Variants in NUBPL observed in about 807,000 individuals in gnomAD.
NUBPL encodes the protein iron-sulfur cluster transfer protein NUBPL.
NUBPL carries 31 observed loss-of-function variants against 45.7 expected under a neutral mutation model. The observed-to-expected ratio is 0.68, with a 90% CI of 0.51 to 0.92. The LOEUF is 0.92. Among genes scored for constraint, NUBPL ranks in the 40% least tolerant of loss-of-function variants. The pLI is 0.00. For missense variants in NUBPL, 401 were observed against 398.7 expected (o/e 1.01, Z -0.05); for synonymous variants, 144 against 140.9 (o/e 1.02, Z -0.15).
chr14:31,644,553 C>T (rs1238097148), intron 4 of NUBPL, among the ~76,000 whole-genome samples: 1 of 152,024 alleles, frequency 6.6e-6, no homozygotes, highest in Non-Finnish European at 1.5e-5. Context: ...TTTGTTGAGA[C>T]TTGTTTTGTG....
At chr14:31,823,641 A>G (rs2040052939) in intron 7 of NUBPL, among the ~76,000 whole-genome samples, 1 of 152,146 alleles carries the variant, frequency 6.6e-6, no homozygotes, top group African/African-American at 2.4e-5. Flanking sequence ...TAAATAGTGT[A>G]ATCATAGAGA....
At chr14:31,605,755 CCTCCTT>C (rs796803984) in intron 4 of NUBPL, among the ~76,000 whole-genome samples, 76 of 151,102 alleles carry the variant, frequency 5.0e-4, no homozygotes, top group African/African-American at 1.6e-3. Flanking sequence ...TTCCTTCCTT[CCTCCTT>C]CTCCTTCTCC....
At chr14:31,818,412 C>T (rs868329317) in intron 7 of NUBPL, among the ~76,000 whole-genome samples, 17 of 152,222 alleles carry the variant, frequency 1.1e-4, no homozygotes, top group Non-Finnish European at 1.8e-4. Context: ...TTCCAAAGTT[C>T]ACATGCTATC....
At chr14:31,706,768 C>T (rs921121591) in intron 6 of NUBPL, among the ~76,000 whole-genome samples, 20 of 152,110 alleles carry the variant, frequency 1.3e-4, no homozygotes, top group Non-Finnish European at 2.2e-4. Flanking sequence ...TCTGAGAAAT[C>T]CTTTGAGAGT....
chr14:31,651,965 A>T (rs1320760144), intron 4 of NUBPL, among the ~76,000 whole-genome samples: 2 of 152,112 alleles, frequency 1.3e-5, no homozygotes, highest in African/African-American at 4.8e-5. Flanking sequence ...TCAAAAGAAG[A>T]CATGCAAATG....
In NUBPL at chr14:31,838,298, A is replaced by G. The variant is rs1381776208; in HGVS notation, c.694-8173A>G. ...ATCCAGCAAAAAAAAAAAAAAAAAA[A>G]AGAGAGAGACATGTACAAAAACATT... On this transcript the variant is annotated intron_variant, in intron 8 of 10. Coordinates refer to ENST00000281081, the MANE Select transcript of NUBPL (RefSeq NM_025152.3). 4.2e-3 allele frequency among the ~76,000 whole-genome samples: 308 copies of G among 73,032 alleles called. 2 individuals are homozygous for G. Among genetic ancestry groups the G allele is most frequent in the African/African-American group, 9.1e-3 (279 of 30,728 alleles). 47.9% of individuals were successfully genotyped at this position (73,032 alleles called of 152,430 possible).
intron 4 of NUBPL, among the ~76,000 whole-genome samples, chr14:31,616,289 A>G (rs1391328460): frequency 6.6e-6 from 1 of 152,144 alleles, no homozygotes; most frequent in African/African-American, 2.4e-5. Flanking sequence ...CTTTAGTTTA[A>G]TTAGATGCCA....
At chr14:31,783,672 C>T (rs759560466) in intron 6 of NUBPL, among the ~76,000 whole-genome samples, 9 of 152,036 alleles carry the variant, frequency 5.9e-5, no homozygotes, top group Non-Finnish European at 1.2e-4. Flanking sequence ...CACCCACCAC[C>T]AGGCCCAGCT....
At chr14:31,594,729 A>G (rs1370814536) in intron 3 of NUBPL, among the ~76,000 whole-genome samples, 1 of 152,206 alleles carries the variant, frequency 6.6e-6, no homozygotes, top group Non-Finnish European at 1.5e-5. Context: ...TTGGAAACAT[A>G]TATTTTTCTC....
chr14:31,802,654 AGTC>A (rs563179169), intron 7 of NUBPL, among the ~76,000 whole-genome samples: 104 of 152,300 alleles, frequency 6.8e-4, no homozygotes, highest in African/African-American at 2.4e-3. Flanking sequence ...TGGACTTCCC[AGTC>A]TACAGAGCAA....
intron 7 of NUBPL, among the ~76,000 whole-genome samples, chr14:31,817,505 G>A (rs1426199875): frequency 6.6e-6 from 1 of 152,198 alleles, no homozygotes; most frequent in East Asian, 1.9e-4. Context: ...TAAGCCAGAA[G>A]AGAGTAGTAG....
In NUBPL at chr14:31,861,141, G is replaced by C. The variant is rs765302571; in HGVS notation, c.*1961G>C. 1 of 151,934 alleles carries C rather than the reference G, an allele frequency of 6.6e-6. No homozygotes were observed. The highest frequency in any genetic ancestry group is 1.5e-5 in the Non-Finnish European group (1 of 68,016). The allele number at this position is 151,934 out of a possible 1,614,324, so 9.4% of individuals were successfully genotyped here. A position where few individuals can be genotyped will look rare whatever the true frequency, so the allele number is the denominator to read the frequency against. ...TACCACTGGGGGAAATTGGGTGAAG[G>C]GCACATGGAATCTCTGTATTATTTC... On this transcript the variant is annotated 3_prime_UTR_variant, in exon 11 of 11. Coordinates refer to ENST00000281081, the MANE Select transcript of NUBPL (RefSeq NM_025152.3).
intron 4 of NUBPL, among the ~76,000 whole-genome samples, chr14:31,646,069 G>T (rs1346979191): frequency 1.3e-5 from 2 of 152,046 alleles, no homozygotes; most frequent in Non-Finnish European, 2.9e-5. Context: ...TGATGGATCT[G>T]GTGGTGGTGA....
Position 31,606,103 on chromosome 14 carries a change from T to C in NUBPL, c.382+6724T>C, listed in dbSNP as rs912792176. Among the ~76,000 whole-genome samples the C allele has an allele frequency of 2.5e-4, 36 of 146,178 alleles. 1 individual carries two copies. Among genetic ancestry groups the C allele is most frequent in the Admixed American group, 7.5e-4 (11 of 14,732 alleles). On this transcript the variant is annotated intron_variant, in intron 4 of 10. Coordinates refer to ENST00000281081, the MANE Select transcript of NUBPL (RefSeq NM_025152.3). ...TCTTCCTTTTTCTTTTCTTTTCTTT[T>C]TTTTTTTTTTTTGAGAGTATCACTC...
At chr14:31,830,485 G>C (rs2040171844) in intron 8 of NUBPL, among the ~76,000 whole-genome samples, 1 of 152,026 alleles carries the variant, frequency 6.6e-6, no homozygotes, top group African/African-American at 2.4e-5. Flanking sequence ...ACACATCCTG[G>C]TCCTTTGCCT....
In NUBPL at chr14:31,690,047, T is replaced by A. The variant is rs138927915; in HGVS notation, c.513+16473T>A. Among the ~76,000 whole-genome samples, 1,396 of 151,802 alleles carry A rather than the reference T, an allele frequency of 9.2e-3. 24 individuals are homozygous for A. Among genetic ancestry groups the A allele is most frequent in the African/African-American group, 0.031 (1,304 of 41,430 alleles). On this transcript the variant is annotated intron_variant, in intron 6 of 10. Transcript: ENST00000281081. Reference sequence around the variant, plus strand: ...TGTGTCTATTTTTGTACCAGTGCCATGCCTTGAACAGGTTTTTAATGCAGG... The same window carrying A: ...TGTGTCTATTTTTGTACCAGTGCCAAGCCTTGAACAGGTTTTTAATGCAGG...
At chr14:31,857,665 A>G (rs943014527) in intron 10 of NUBPL, among the ~76,000 whole-genome samples, 128 of 152,304 alleles carry the variant, frequency 8.4e-4, no homozygotes, top group African/African-American at 2.9e-3. Context: ...ACAAATCTCT[A>G]GGGCAGGGAC....
chr14:31,840,448 C>T (rs2040351345), intron 8 of NUBPL, among the ~76,000 whole-genome samples: 1 of 152,040 alleles, frequency 6.6e-6, no homozygotes, highest in South Asian at 2.1e-4. Flanking sequence ...GTGGCGGGCG[C>T]CTGTAGTCCC....
intron 4 of NUBPL, among the ~76,000 whole-genome samples, chr14:31,611,413 A>G (rs2034754664): frequency 6.6e-6 from 1 of 152,212 alleles, no homozygotes; most frequent in South Asian, 2.1e-4. Context: ...GATGCAAATA[A>G]CTGAATGGGA....
Sources: gnomAD v4.1 joint callset for allele counts (sites outside exome capture counted in the v4.1 genomes callset) on GRCh38, gnomAD v4.1.1 for gene constraint, MANE v1.5 for transcripts, NCBI Gene and HGNC (gene_info 2026-07-23, HGNC 2026-07-21) for gene names.